RNF217: variants seen among roughly 807,000 people sequenced by gnomAD.
The protein encoded by RNF217 is ring finger protein 217, also known as E3 ubiquitin-protein ligase RNF217.
A neutral mutation model predicts 57.8 loss-of-function variants in RNF217; 31 were observed. That is an observed-to-expected ratio of 0.54 (90% CI 0.40 to 0.72). The LOEUF (loss-of-function observed/expected upper bound fraction) is 0.72, where lower values mean the gene tolerates loss of function less well. RNF217 is among the 30% of genes least tolerant of loss of function. The pLI is 0.00. For synonymous variants in RNF217, 313 were observed against 294.0 expected (o/e 1.06, Z -0.66); for missense variants, 696 against 708.3 (o/e 0.98, Z 0.20).
chr6:125,076,772 C>T lies in RNF217; in HGVS notation c.1397C>T (p.Thr466Ile), dbSNP rs766596434. ...YRQLRFFGDH[T>I]SNLSIFGCKY... is the part of the protein sequence containing the mutation. ...CAGCTCCGATTTTTTGGAGACCACA[C>T]ATCAAACCTCAGTATATTTGGATGC... Residue 466 changes from threonine (T) to isoleucine (I), a missense_variant, in exon 4 of 6, where the codon ACA becomes ATA. This residue lies in a region of RNF217 where 231 missense variants were observed against 321.4 expected (regional missense o/e 0.72). Transcript: ENST00000521654. The T allele has an allele frequency of 6.2e-7, 1 of 1,613,672 alleles. No homozygotes were observed. Among genetic ancestry groups the T allele is most frequent in the South Asian group, 1.1e-5 (1 of 91,076 alleles).
chr6:125,041,304 C>T (rs1315109507), intron 1 of RNF217, among the ~76,000 whole-genome samples: 2 of 152,112 alleles, frequency 1.3e-5, no homozygotes, highest in African/African-American at 4.8e-5. Context: ...CTAGACATCA[C>T]TTGTGGGAAG....
chr6:124,976,774 G>A (rs1301908757), intron 1 of RNF217, among the ~76,000 whole-genome samples: 1 of 152,172 alleles, frequency 6.6e-6, no homozygotes, highest in African/African-American at 2.4e-5. Context: ...CAAAGTGCTG[G>A]GATTACAGGT....
chr6:125,011,446 G>A (rs577019808), intron 1 of RNF217, among the ~76,000 whole-genome samples: 11 of 152,128 alleles, frequency 7.2e-5, no homozygotes, highest in African/African-American at 2.4e-4. Context: ...GTGTTCAATT[G>A]GGTTTTAGAC....
In RNF217 at chr6:125,033,241, T is replaced by C. The variant is rs529577378; in HGVS notation, c.883-11970T>C. On this transcript the variant is annotated intron_variant, in intron 1 of 5. Coordinates refer to ENST00000521654, the MANE Select transcript of RNF217 (RefSeq NM_001286398.3). ...TAAGTTTTAGGGTACATGTGCACAA[T>C]GTGCAGGTTAGTTACATATGTATAC... Among the ~76,000 whole-genome samples, 173 of 150,994 alleles carry C rather than the reference T, an allele frequency of 1.1e-3. 2 individuals carry two copies. The highest frequency in any genetic ancestry group is 3.5e-3 in the Admixed American group (53 of 15,104).
At chr6:125,058,183 G>A (rs945069158) in intron 3 of RNF217, 77 bp downstream of exon 3, 1 of 1,257,980 alleles carries the variant, frequency 7.9e-7, no homozygotes, top group African/African-American at 1.5e-5. Context: ...TTATTGAAGG[G>A]AATTATAACT....
Position 125,066,330 on chromosome 6 carries a change from C to A in RNF217, c.1281+8224C>A, listed in dbSNP as rs956521069. Among the ~76,000 whole-genome samples the A allele has an allele frequency of 2.0e-5, 3 of 152,138 alleles. No homozygotes were observed. In the East Asian group the frequency reaches 5.8e-4, roughly 29 times the overall value. On this transcript the variant is annotated intron_variant, in intron 3 of 5. Transcript: ENST00000521654. ...ATCTGACACAGAGCAAAAGTTAGTTCTATGATGACCATAGAACCCGTCGCC... is the reference window on the plus strand; with the variant it reads ...ATCTGACACAGAGCAAAAGTTAGTTATATGATGACCATAGAACCCGTCGCC...
At chr6:124,993,397 A>C (rs2115049469) in intron 1 of RNF217, among the ~76,000 whole-genome samples, 1 of 152,288 alleles carries the variant, frequency 6.6e-6, no homozygotes, top group South Asian at 2.1e-4. Flanking sequence ...CTTTCCACTA[A>C]AATTATTATC....
intron 3 of RNF217, among the ~76,000 whole-genome samples, chr6:125,061,186 A>G (rs1329427915): frequency 6.6e-6 from 1 of 152,074 alleles, no homozygotes. Context: ...ATATATTTAT[A>G]AAGGTAGAAT....
At chr6:125,050,524 C>T (rs1787268882) in intron 2 of RNF217, among the ~76,000 whole-genome samples, 2 of 151,880 alleles carry the variant, frequency 1.3e-5, no homozygotes, top group African/African-American at 2.4e-5. Context: ...CAAATATTTT[C>T]TCATGTGGTA....
chr6:124,969,187 A>T (rs547669778), intron 1 of RNF217, among the ~76,000 whole-genome samples: 1 of 152,188 alleles, frequency 6.6e-6, no homozygotes, highest in Admixed American at 6.5e-5. Flanking sequence ...TTATAAATCT[A>T]TTACTTATTT....
chr6:125,004,564 A>G (rs1223125099), intron 1 of RNF217, among the ~76,000 whole-genome samples: 6 of 152,208 alleles, frequency 3.9e-5, no homozygotes, highest in Admixed American at 6.5e-5. Context: ...ATTGCCTCCA[A>G]AGGTAGGTAC....
chr6:125,070,155 C>G (rs1788083070), intron 3 of RNF217, among the ~76,000 whole-genome samples: 1 of 152,140 alleles, frequency 6.6e-6, no homozygotes, highest in Non-Finnish European at 1.5e-5. Context: ...GCCTCCAGCT[C>G]CATCCAAGTT....
At chr6:124,984,801 G>A (rs1195224255) in intron 1 of RNF217, among the ~76,000 whole-genome samples, 1 of 152,058 alleles carries the variant, frequency 6.6e-6, no homozygotes, top group Non-Finnish European at 1.5e-5. Flanking sequence ...ATACAACTCT[G>A]AAAGGAAATG....
intron 1 of RNF217, among the ~76,000 whole-genome samples, chr6:125,010,497 G>C (rs1785376369): frequency 6.6e-6 from 1 of 152,104 alleles, no homozygotes; most frequent in African/African-American, 2.4e-5. Context: ...GGCAGATTTG[G>C]ATGTCTATAC....
chr6:124,988,055 T>C (rs1413301453), intron 1 of RNF217, among the ~76,000 whole-genome samples: 2 of 152,170 alleles, frequency 1.3e-5, no homozygotes, highest in African/African-American at 4.8e-5. Context: ...CATTACCACC[T>C]GAGCTCCGCC....
rs1783319126 is a variant in RNF217 at position 124,962,536 on chromosome 6, C to T, written c.-9C>T. ...GGATGGGCAGCGGCGGCGCGGGCCG[C>T]GGGCGGCGATGGGCGAGGAGCAGAG... On this transcript the variant is annotated 5_prime_UTR_variant, in exon 1 of 6. Transcript: ENST00000521654. This position sits in a 1 kb window ranked among gnomAD's most constrained non-coding sequence, Gnocchi z 4.6. 1.7e-6 allele frequency: 2 copies of T among 1,178,008 alleles called. No individual in the cohort carries two copies. The highest frequency in any genetic ancestry group is 1.6e-5 in the African/African-American group (1 of 61,954). The allele number at this position is 1,178,008 out of a possible 1,614,324, so 73.0% of individuals were successfully genotyped here.
At chr6:124,993,996 T>C (rs1214895836) in intron 1 of RNF217, among the ~76,000 whole-genome samples, 1 of 152,000 alleles carries the variant, frequency 6.6e-6, no homozygotes, top group Non-Finnish European at 1.5e-5. Flanking sequence ...GAAACAACAT[T>C]TTGCATTTGA....
At chr6:124,993,540 A>G (rs1390389217) in intron 1 of RNF217, among the ~76,000 whole-genome samples, 1 of 152,166 alleles carries the variant, frequency 6.6e-6, no homozygotes, top group South Asian at 2.1e-4. Flanking sequence ...TGTGGCACGC[A>G]CTATTCCAGA....
chr6:124,989,490 C>A (rs1477851356), intron 1 of RNF217, among the ~76,000 whole-genome samples: 1 of 152,114 alleles, frequency 6.6e-6, no homozygotes, highest in East Asian at 1.9e-4. Context: ...TCATAGTGAA[C>A]TGAGCAATGG....
Sources: allele counts gnomAD v4.1 joint callset (sites outside exome capture counted in the v4.1 genomes callset), GRCh38; gene constraint gnomAD v4.1.1; regional missense constraint gnomAD v4.1.1; non-coding constraint Gnocchi (gnomAD v3.1); transcripts MANE v1.5; gene names NCBI Gene and HGNC (gene_info 2026-07-23, HGNC 2026-07-21).